ACVR1: variants seen among roughly 807,000 people sequenced by gnomAD.
The protein encoded by ACVR1 is activin A receptor type 1.
In ACVR1, 38 loss-of-function variants were observed where a neutral mutation model predicts 57.1. The observed-to-expected ratio is 0.67, with a 90% CI of 0.51 to 0.87. ACVR1 has a LOEUF of 0.87. Ranked by LOEUF, ACVR1 falls within the 40% of genes least tolerant of loss-of-function variation. The pLI is 0.00. For synonymous variants in ACVR1, 212 were observed against 228.1 expected, an observed-to-expected ratio of 0.93 and a Z score of 0.63; for missense variants, 463 against 638.2, an observed-to-expected ratio of 0.73 and a Z score of 2.96.
intron 8 of ACVR1, among the ~76,000 whole-genome samples, chr2:157,765,523 A>G (rs904261451): frequency 3.9e-5 from 6 of 152,200 alleles, no homozygotes; most frequent in African/African-American, 1.4e-4. Context: ...ACATTTGTCA[A>G]AACTCTTAAG....
intron 1 of ACVR1, chr2:157,838,295 T>TC (rs34833178): frequency 6.6e-6 from 1 of 152,070 alleles, no homozygotes; most frequent in African/African-American, 2.4e-5. Flanking sequence ...GCAAGGTACT[T>TC]CCCGCTGCAT....
rs764912823 is a variant in ACVR1 at position 157,760,994 on chromosome 2, G to A, written c.1150C>T (p.Pro384Ser). 16 of 1,614,116 alleles carry A rather than the reference G, an allele frequency of 9.9e-6. No homozygotes were observed. The highest frequency in any genetic ancestry group is 1.3e-5 in the Non-Finnish European group (15 of 1,180,024). Reference sequence around the variant, plus strand: ...TGGATGGTTTCATCTAGAACTTCGGGGGCCATGTAGCGCTTGGTGCCCACA... The same window carrying A: ...TGGATGGTTTCATCTAGAACTTCGGAGGCCATGTAGCGCTTGGTGCCCACA... Reference protein sequence around the residue: ...PRVGTKRYMAPEVLDETIQVD... With the variant: ...PRVGTKRYMASEVLDETIQVD... The change falls in exon 9 of 11, where the codon CCC becomes TCC. Residue 384 changes from proline to serine, a missense_variant. By Grantham distance (74) the Pro-to-Ser change is moderately conservative. This residue lies in a region of ACVR1 where 146 missense variants were observed against 186.6 expected (regional missense o/e 0.78). Coordinates refer to ENST00000434821, the MANE Select transcript of ACVR1 (RefSeq NM_001111067.4).
intron 8 of ACVR1, 82 bp from the exon 9 acceptor site, chr2:157,761,159 T>A (rs1685636682): frequency 7.2e-7 from 1 of 1,395,930 alleles, no homozygotes; most frequent in African/African-American, 1.4e-5. Flanking sequence ...CCAACCCCAA[T>A]CAAAAGTGCC....
At chr2:157,765,402 A>G (rs973519500) in intron 8 of ACVR1, among the ~76,000 whole-genome samples, 1 of 152,218 alleles carries the variant, frequency 6.6e-6, no homozygotes, top group Non-Finnish European at 1.5e-5. Flanking sequence ...AAAATGCAAC[A>G]GTACTGGTTA....
At chr2:157,796,523 C>A (rs781365620) in intron 3 of ACVR1, among the ~76,000 whole-genome samples, 1 of 152,084 alleles carries the variant, frequency 6.6e-6, no homozygotes, top group Admixed American at 6.6e-5. Context: ...CATTGCACCC[C>A]AACCTGGGTG....
At chr2:157,758,549 C>T (rs1167457961) in intron 9 of ACVR1, among the ~76,000 whole-genome samples, 1 of 151,806 alleles carries the variant, frequency 6.6e-6, no homozygotes, top group Non-Finnish European at 1.5e-5. Flanking sequence ...CATTTTTATA[C>T]AAAGCAAATA....
In ACVR1 at chr2:157,770,354, A is replaced by T. The variant is rs1686025147; in HGVS notation, c.790+14T>A. ...CCTAGATACAATTAATGAGGGGGTT[A>T]TCCTTGTACTTACCTAAGATATTTT... On this transcript the variant is annotated intron_variant, in intron 7 of 10. Coordinates refer to ENST00000434821, the MANE Select transcript of ACVR1 (RefSeq NM_001111067.4). 18 of 1,613,888 alleles carry T rather than the reference A, an allele frequency of 1.1e-5. No homozygotes were observed. Among genetic ancestry groups the T allele is most frequent in the Non-Finnish European group, 1.4e-5 (17 of 1,179,752 alleles).
In ACVR1 at chr2:157,766,240, A is replaced by T. The variant is rs1685855968; in HGVS notation, c.791-44T>A. The T allele has an allele frequency of 1.9e-6, 3 of 1,594,708 alleles. No homozygotes were observed. The East Asian group carries it at 6.7e-5, about 36-fold the overall frequency. On this transcript the variant is annotated intron_variant, in intron 7 of 10. Transcript: ENST00000434821. ...AAATTAATATACATGAGGATTCCAC[A>T]TTATAACTTAAAGTATTTAGAAATA...
At chr2:157,740,212 A>G (rs1388751479) in intron 9 of ACVR1, among the ~76,000 whole-genome samples, 1 of 152,066 alleles carries the variant, frequency 6.6e-6, no homozygotes, top group African/African-American at 2.4e-5. Flanking sequence ...AGTTAATTCC[A>G]AATAACTTAC....
chr2:157,803,044 T>A (rs1687384117), intron 2 of ACVR1, among the ~76,000 whole-genome samples: 1 of 152,096 alleles, frequency 6.6e-6, no homozygotes, highest in Admixed American at 6.6e-5. Flanking sequence ...CTCTATAACT[T>A]TAATCTGTAG....
intron 2 of ACVR1, among the ~76,000 whole-genome samples, chr2:157,810,568 C>T (rs1687716420): frequency 6.6e-6 from 1 of 152,124 alleles, no homozygotes; most frequent in African/African-American, 2.4e-5. Context: ...CCAAGCTTTC[C>T]CTGAACCATC....
At chr2:157,813,442 AAC>A (rs1687823145) in intron 2 of ACVR1, among the ~76,000 whole-genome samples, 1 of 152,212 alleles carries the variant, frequency 6.6e-6, no homozygotes, top group African/African-American at 2.4e-5. Context: ...CAAGGCGGCC[AAC>A]ACAGACTTCA....
At position 157,757,041 on chromosome 2, in the gene ACVR1, TATAA is replaced by T. The variant is rs1437007686; in HGVS notation, c.1264+3835_1264+3838del. Among the ~76,000 whole-genome samples the T allele has an allele frequency of 9.3e-3, 1,184 of 127,016 alleles. 11 individuals are homozygous for T. Among genetic ancestry groups the T allele is most frequent in the East Asian group, 0.033 (156 of 4,684 alleles). The allele number at this position is 127,016 out of a possible 152,430, so 83.3% of individuals were successfully genotyped here. A position where few individuals can be genotyped will look rare whatever the true frequency, so the allele number is the denominator to read the frequency against. On this transcript the variant is annotated intron_variant, in intron 9 of 10. Coordinates refer to ENST00000434821, the MANE Select transcript of ACVR1 (RefSeq NM_001111067.4). Reference sequence around the variant, plus strand: ...TATTTGATATATATATATATATATATATAAAATAGAATACTACTAACCCATAAAA... The same window carrying T: ...TATTTGATATATATATATATATATATAATAGAATACTACTAACCCATAAAA...
At chr2:157,742,276 C>G (rs1684803934) in intron 9 of ACVR1, among the ~76,000 whole-genome samples, 1 of 152,200 alleles carries the variant, frequency 6.6e-6, no homozygotes, top group African/African-American at 2.4e-5. Flanking sequence ...GCAAAGAGCA[C>G]AGCATGAATT....
rs147048397 is a variant in ACVR1 at position 157,761,791 on chromosome 2, G to A, written c.1067-714C>T. 4.3e-4 allele frequency among the ~76,000 whole-genome samples: 66 copies of A among 152,268 alleles called. No homozygotes were observed. In the East Asian group the frequency reaches 0.012, roughly 28 times the overall value. On this transcript the variant is annotated intron_variant, in intron 8 of 10. Coordinates refer to ENST00000434821, the MANE Select transcript of ACVR1 (RefSeq NM_001111067.4). Reference sequence around the variant, plus strand: ...CTGGCCAGTGGGGAGACACATACATGCATGCTTTATTTGTGGATGATTTTA... The same window carrying A: ...CTGGCCAGTGGGGAGACACATACATACATGCTTTATTTGTGGATGATTTTA...
chr2:157,768,900 T>C (rs1685974570), intron 7 of ACVR1, among the ~76,000 whole-genome samples: 1 of 152,212 alleles, frequency 6.6e-6, no homozygotes, highest in Admixed American at 6.5e-5. Flanking sequence ...CGCGTAGTAA[T>C]GATCCATTGC....
chr2:157,770,272 C>T, intron 7 of ACVR1, 96 bp downstream of exon 7: 1 of 1,379,002 alleles, frequency 7.3e-7, no homozygotes, highest in South Asian at 1.2e-5. Context: ...TTTTAGGAGA[C>T]ACTCTCGAAT....
Position 157,760,850 on chromosome 2 carries a change from A to C in ACVR1, c.1264+30T>G, listed in dbSNP as rs948813223. ...AGCTGGATCAAGAGAACTTGGATTA[A>C]GACAATATTATATTAGATTAGATAC... On this transcript the variant is annotated intron_variant, in intron 9 of 10. Coordinates refer to ENST00000434821, the MANE Select transcript of ACVR1 (RefSeq NM_001111067.4). The C allele has an allele frequency of 2.5e-6, 4 of 1,608,022 alleles. No individual in the cohort carries two copies. In the African/African-American group the frequency reaches 5.4e-5, roughly 22 times the overall value.
chr2:157,749,976 T>C (rs13001245), intron 9 of ACVR1, among the ~76,000 whole-genome samples: 59,523 of 152,190 alleles, frequency 0.39, 14,860 homozygotes, highest in African/African-American at 0.72. Flanking sequence ...CTGCTCAGCC[T>C]GCTGCCACCA....
Sources: gnomAD v4.1 joint callset for allele counts (sites outside exome capture counted in the v4.1 genomes callset) on GRCh38, gnomAD v4.1.1 for gene constraint, gnomAD v4.1.1 regional missense constraint, MANE v1.5 for transcripts, NCBI Gene and HGNC (gene_info 2026-07-23, HGNC 2026-07-21) for gene names.